ZMAT1: variants seen among roughly 807,000 people sequenced by gnomAD.
ZMAT1 encodes zinc finger matrin-type 1.
Under a neutral mutation model 18.5 loss-of-function variants are expected in ZMAT1, and 11 were observed. That is an observed-to-expected ratio of 0.59 (90% CI 0.37 to 0.98). ZMAT1 has a LOEUF of 0.98. ZMAT1 is among the 50% of genes least tolerant of loss of function. The pLI is 0.01. For missense variants in ZMAT1, 525 were observed against 496.2 expected (o/e 1.06, Z -0.55); for synonymous variants, 211 against 176.4 (o/e 1.20, Z -1.55).
intron 1 of ZMAT1, among the ~76,000 whole-genome samples, chrX:101,916,890 A>G (rs900159987): frequency 8.9e-6 from 1 of 111,914 alleles, no homozygotes; most frequent in Non-Finnish European, 1.9e-5. Flanking sequence ...AAATCCACAC[A>G]CCTACAGTGA....
At chrX:101,905,465 T>G (rs1176386242) in intron 1 of ZMAT1, among the ~76,000 whole-genome samples, 1 of 112,444 alleles carries the variant, frequency 8.9e-6, no homozygotes, top group African/African-American at 3.2e-5. Context: ...TTCTCATTGC[T>G]ATTTGGCTAT....
chrX:101,906,202 G>A (rs1018063203), intron 1 of ZMAT1, among the ~76,000 whole-genome samples: 7 of 111,186 alleles, frequency 6.3e-5, no homozygotes, highest in African/African-American at 2.0e-4. Context: ...GTGCCAAGCC[G>A]AATCATTCAA....
chrX:101,886,625 T>C lies in ZMAT1; in HGVS notation c.776+7A>G, dbSNP rs1329058142. 2.5e-6 allele frequency: 3 copies of C among 1,186,614 alleles called. No individual in the cohort carries two copies. In the African/African-American group the frequency reaches 5.3e-5, roughly 21 times the overall value. On this transcript the variant is annotated splice_region_variant and intron_variant, in intron 5 of 5. Coordinates refer to ENST00000651725, the MANE Select transcript of ZMAT1 (RefSeq NM_001394560.1). ...TATCATAGGAAAATTTTGGCAAAAA[T>C]ACTTACTTAATTTGATGTTCACTTC...
Position 101,886,677 on chromosome X carries a change from A to G in ZMAT1, c.731T>C (p.Leu244Ser). Reference sequence around the variant, plus strand: ...TTGCATGTGGGACCGGAACATATCTAAAGATGTAAAAGCAATACTACAAAT... The same window carrying G: ...TTGCATGTGGGACCGGAACATATCTGAAGATGTAAAAGCAATACTACAAAT... ...CHICSIAFTS[L>S]DMFRSHMQGS... Residue 244 changes from leucine (L) to serine (S), a missense_variant, in exon 5 of 6, where the codon TTA (leucine) becomes TCA (serine). Physicochemically the swap from Leu to Ser is moderately radical, Grantham distance 145 (BLOSUM62 -2). Coordinates refer to ENST00000651725, the MANE Select transcript of ZMAT1 (RefSeq NM_001394560.1). 2 of 1,206,516 alleles carry G rather than the reference A, an allele frequency of 1.7e-6. No homozygotes were observed. Among genetic ancestry groups the G allele is most frequent in the Non-Finnish European group, 2.2e-6 (2 of 892,612 alleles).
intron 5 of ZMAT1, among the ~76,000 whole-genome samples, chrX:101,885,611 T>C (rs1274450160): frequency 2.7e-5 from 3 of 111,832 alleles, no homozygotes; most frequent in Non-Finnish European, 5.6e-5. Flanking sequence ...CGGATACAAA[T>C]AATATAAATA....
intron 2 of ZMAT1, among the ~76,000 whole-genome samples, chrX:101,900,079 G>GT (rs1286920468): frequency 1.2e-4 from 13 of 111,874 alleles, no homozygotes; most frequent in East Asian, 1.1e-3. Context: ...TTTTTCTTGT[G>GT]TTTGTTGGCC....
chrX:101,897,215 CATT>C (rs1431009610), intron 4 of ZMAT1, among the ~76,000 whole-genome samples: 2 of 107,045 alleles, frequency 1.9e-5, no homozygotes, highest in African/African-American at 3.4e-5. Flanking sequence ...TGGAAATCAT[CATT>C]GTCAGTAAAC....
chrX:101,885,344 C>CT (rs1284976449), intron 5 of ZMAT1, among the ~76,000 whole-genome samples: 1 of 111,280 alleles, frequency 9.0e-6, no homozygotes, highest in African/African-American at 3.3e-5. Flanking sequence ...TGTGTTTATT[C>CT]TGTAATCTTG....
intron 1 of ZMAT1, among the ~76,000 whole-genome samples, chrX:101,910,426 T>G (rs1204050132): frequency 8.9e-6 from 1 of 112,065 alleles, no homozygotes; most frequent in Non-Finnish European, 1.9e-5. Flanking sequence ...CAAATAAACT[T>G]AAAAAGGCAC....
intron 4 of ZMAT1, among the ~76,000 whole-genome samples, chrX:101,892,241 A>C (rs1927469785): frequency 9.0e-6 from 1 of 111,589 alleles, no homozygotes; most frequent in South Asian, 3.7e-4. Flanking sequence ...TTTCCACAGC[A>C]TCACTCAGTA....
At chrX:101,892,275 G>A (rs189298459) in intron 4 of ZMAT1, among the ~76,000 whole-genome samples, 52 of 111,438 alleles carry the variant, frequency 4.7e-4, no homozygotes, top group Admixed American at 1.5e-3. Context: ...AGTAGAAAAT[G>A]TATAGGGTGG....
intron 2 of ZMAT1, among the ~76,000 whole-genome samples, chrX:101,903,003 ATTATAAT>A (rs1928356546): frequency 1.8e-5 from 2 of 111,787 alleles, no homozygotes; most frequent in Admixed American, 9.5e-5. Flanking sequence ...AAGTGATAGA[ATTATAAT>A]TTATATCTAT....
chrX:101,914,412 G>GT (rs774005561), intron 1 of ZMAT1, among the ~76,000 whole-genome samples: 27 of 110,136 alleles, frequency 2.5e-4, no homozygotes, highest in Admixed American at 1.5e-3. Flanking sequence ...AAAAAGCTGG[G>GT]TTTTTTTTGA....
intron 1 of ZMAT1, among the ~76,000 whole-genome samples, chrX:101,912,922 G>A (rs1453132018): frequency 4.5e-5 from 5 of 111,673 alleles, no homozygotes; most frequent in African/African-American, 1.6e-4. Context: ...ACATTTCTCT[G>A]CAGAACTCGC....
intron 4 of ZMAT1, among the ~76,000 whole-genome samples, chrX:101,896,290 A>C (rs1284512948): frequency 8.9e-6 from 1 of 112,186 alleles, no homozygotes; most frequent in Non-Finnish European, 1.9e-5. Context: ...CATCAGAATA[A>C]AATCTATGCA....
chrX:101,910,587 T>C (rs1809510972), intron 1 of ZMAT1, among the ~76,000 whole-genome samples: 1 of 111,891 alleles, frequency 8.9e-6, no homozygotes, highest in African/African-American at 3.2e-5. Flanking sequence ...ATTGAAATAA[T>C]TAAAAAGAAT....
At chrX:101,887,119 ACT>A (rs1486746035) in intron 4 of ZMAT1, 1 of 438,852 alleles carries the variant, frequency 2.3e-6, no homozygotes, top group Non-Finnish European at 2.8e-6. Flanking sequence ...GTTTGCCCCA[ACT>A]CTGTTTCCAC....
intron 1 of ZMAT1, among the ~76,000 whole-genome samples, chrX:101,913,413 A>G: frequency 9.0e-6 from 1 of 111,615 alleles, no homozygotes; most frequent in African/African-American, 3.3e-5. Context: ...GGATGAAAAA[A>G]CAAGACCCAC....
intron 1 of ZMAT1, among the ~76,000 whole-genome samples, chrX:101,916,813 A>C (rs1427108352): frequency 2.7e-5 from 3 of 112,070 alleles, no homozygotes; most frequent in African/African-American, 9.8e-5. Context: ...AAAGTAACCA[A>C]AACAGTGTGG....
Sources: gnomAD v4.1 joint callset for allele counts (sites outside exome capture counted in the v4.1 genomes callset) on GRCh38, gnomAD v4.1.1 for gene constraint, MANE v1.5 for transcripts, NCBI Gene and HGNC (gene_info 2026-07-23, HGNC 2026-07-21) for gene names.